UGT2B17: variants seen among roughly 807,000 people sequenced by gnomAD.
UGT2B17 encodes UDP glucuronosyltransferase family 2 member B17, also known as UDP-glucuronosyltransferase 2B17.
In UGT2B17, 21 loss-of-function variants were observed where a neutral mutation model predicts 48.2. That is an observed-to-expected ratio of 0.44 (90% confidence interval 0.31 to 0.63). The LOEUF is 0.63. UGT2B17 is among the 20% of genes least tolerant of loss of function. The pLI is 0.08. For synonymous variants in UGT2B17, 146 were observed against 238.4 expected, an observed-to-expected ratio of 0.61 and a Z score of 3.57; for missense variants, 402 against 696.1, an observed-to-expected ratio of 0.58 and a Z score of 4.75.
At chr4:68,551,310 T>C (rs1730910502) in intron 5 of UGT2B17, among the ~76,000 whole-genome samples, 1 of 125,752 alleles carries the variant, frequency 8.0e-6, no homozygotes, top group Non-Finnish European at 1.7e-5. Flanking sequence ...ATATTTAAAA[T>C]ACTTAAATTT....
Position 68,556,856 on chromosome 4 carries a change from A to T in UGT2B17, c.1005+3681T>A, listed in dbSNP as rs1731010748. On this transcript the variant is annotated intron_variant, in intron 4 of 6. Transcript: ENST00000317746. Reference sequence around the variant, plus strand: ...ATCCTTGAGTTACTACTTTAGTCAAATGAATGCTTTATTTTACCTGTGATA... The same window carrying T: ...ATCCTTGAGTTACTACTTTAGTCAATTGAATGCTTTATTTTACCTGTGATA... Among the ~76,000 whole-genome samples, 3 of 125,576 alleles carry T rather than the reference A, an allele frequency of 2.4e-5. 1 individual carries two copies. Among genetic ancestry groups the T allele is most frequent in the African/African-American group, 8.1e-5 (3 of 36,974 alleles). 82.4% of individuals were successfully genotyped at this position (125,576 alleles called of 152,430 possible).
intron 2 of UGT2B17, among the ~76,000 whole-genome samples, chr4:68,566,626 G>A (rs1447905109): frequency 8.6e-6 from 1 of 116,444 alleles, no homozygotes; most frequent in African/African-American, 3.1e-5. Context: ...CTTTCACCAT[G>A]ATTCTAAGTT....
chr4:68,553,539 GCT>G (rs1387391131), intron 4 of UGT2B17, among the ~76,000 whole-genome samples: 1 of 125,354 alleles, frequency 8.0e-6, no homozygotes, highest in Admixed American at 8.2e-5. Context: ...TAGGTCCAAA[GCT>G]CTGTTTTCCT....
intron 1 of UGT2B17, among the ~76,000 whole-genome samples, chr4:68,574,769 A>T (rs1731344162): frequency 7.9e-6 from 1 of 126,206 alleles, no homozygotes; most frequent in African/African-American, 2.7e-5. Context: ...ATTATGCAAC[A>T]TTTTTTGCAT....
At chr4:68,553,014 A>T (rs2109767192) in intron 4 of UGT2B17, among the ~76,000 whole-genome samples, 1 of 124,542 alleles carries the variant, frequency 8.0e-6, no homozygotes, top group South Asian at 3.8e-4. Flanking sequence ...TTAGCCTGAA[A>T]CCCATCCGTA....
At chr4:68,562,795 T>G (rs1338018461) in intron 3 of UGT2B17, among the ~76,000 whole-genome samples, 1 of 126,742 alleles carries the variant, frequency 7.9e-6, no homozygotes, top group Non-Finnish European at 1.7e-5. Flanking sequence ...TGTACATATG[T>G]GATGTTTATT....
intron 6 of UGT2B17, 74 bp downstream of exon 6, chr4:68,550,603 A>C (rs1730895936): frequency 1.8e-6 from 2 of 1,120,962 alleles, no homozygotes; most frequent in Non-Finnish European, 1.2e-6. Context: ...CTCTTAACAA[A>C]GGGTTCAAAC....
At chr4:68,556,135 A>G (rs1730996111) in intron 4 of UGT2B17, among the ~76,000 whole-genome samples, 1 of 124,514 alleles carries the variant, frequency 8.0e-6, no homozygotes, top group Non-Finnish European at 1.7e-5. Context: ...CAAGTTGTCT[A>G]TAATTAAAGG....
Position 68,568,214 on chromosome 4 carries a change from T to TA in UGT2B17, c.270dup (p.Met91TyrfsTer6), listed in dbSNP as rs529223604. 2.2e-6 allele frequency: 3 copies of TA among 1,372,200 alleles called. No homozygotes were observed. The highest frequency in any genetic ancestry group is 1.7e-5 in the South Asian group (1 of 60,196). 85.0% of individuals were successfully genotyped at this position (1,372,200 alleles called of 1,614,324 possible). A position where few individuals can be genotyped will look rare whatever the true frequency, so the allele number is the denominator to read the frequency against. The stretch of plus-strand genomic sequence containing the variant: ...TATGTCCATCTATCGAACATTTTCA[T>TA]AAAAAAATCTTCCAAATCATTTTTA... On this transcript the variant is annotated frameshift_variant, in exon 2 of 7. Coordinates refer to ENST00000317746, the MANE Select transcript of UGT2B17 (RefSeq NM_001077.4). LOFTEE classifies it high-confidence loss of function.
At chr4:68,544,454 T>C (rs1389579097) in intron 6 of UGT2B17, among the ~76,000 whole-genome samples, 1 of 124,764 alleles carries the variant, frequency 8.0e-6, no homozygotes, top group African/African-American at 2.7e-5. Context: ...GCACTAAACA[T>C]GGAAAGGAAC....
At position 68,561,872 on chromosome 4, in the gene UGT2B17, A is replaced by G. The variant is rs567307020; in HGVS notation, c.874-1204T>C. 8.9e-4 allele frequency among the ~76,000 whole-genome samples: 109 copies of G among 122,786 alleles called. 28 individuals carry two copies. The highest frequency in any genetic ancestry group is 1.5e-3 in the Non-Finnish European group (89 of 58,730). 80.6% of individuals were successfully genotyped at this position (122,786 alleles called of 152,430 possible). ...TTCCCGGATATCATATCAAAATTGT[A>G]TACTCATCTTTTTGTTGCTATTGTC... On this transcript the variant is annotated intron_variant, in intron 3 of 6. Coordinates refer to ENST00000317746, the MANE Select transcript of UGT2B17 (RefSeq NM_001077.4).
chr4:68,542,588 T>C (rs1730687876), intron 6 of UGT2B17, among the ~76,000 whole-genome samples: 1 of 126,070 alleles, frequency 7.9e-6, no homozygotes, highest in Admixed American at 8.1e-5. Flanking sequence ...TGTCAGACAG[T>C]GGGTGCAGGA....
At chr4:68,571,613 G>A (rs1239971052) in intron 1 of UGT2B17, among the ~76,000 whole-genome samples, 1 of 125,786 alleles carries the variant, frequency 8.0e-6, no homozygotes, top group African/African-American at 2.7e-5. Context: ...TCTAATAATT[G>A]AGACTTTTAG....
Position 68,537,819 on chromosome 4 carries a change from A to C in UGT2B17, c.1399T>G (p.Phe467Val), listed in dbSNP as rs756544697. 7.2e-7 allele frequency: 1 copy of C among 1,379,498 alleles called. No individual in the cohort carries two copies. The allele number at this position is 1,379,498 out of a possible 1,614,324, so 85.5% of individuals were successfully genotyped here. The part of the protein sequence containing the change: ...PLDRAVFWIE[F>V]VMRHKGAKHL... ...TTGGCTCCTTTATGGCGCATGACAA[A>C]CTCAATCCAGAAGACTGCTCGATCC... Residue 467 changes from phenylalanine (F) to valine (V), a missense_variant, in exon 7 of 7, where the codon TTT (phenylalanine) becomes GTT (valine). Physicochemically the swap from Phe to Val is conservative, Grantham distance 50. Coordinates refer to ENST00000317746, the MANE Select transcript of UGT2B17 (RefSeq NM_001077.4).
In UGT2B17 at chr4:68,572,109, G is replaced by A. The variant is rs572102457; in HGVS notation, c.-64-3561C>T. On this transcript the variant is annotated intron_variant, in intron 1 of 6. Transcript: ENST00000317746. ...CTTTTAAGTAGTCTGAATGACACGAGACCAGTATTGACACATCTCACATAA... is the reference window on the plus strand; with the variant it reads ...CTTTTAAGTAGTCTGAATGACACGAAACCAGTATTGACACATCTCACATAA... Among the ~76,000 whole-genome samples, 19 of 125,780 alleles carry A rather than the reference G, an allele frequency of 1.5e-4. 9 individuals are homozygous for A. The South Asian group carries it at 6.1e-3, about 41-fold the overall frequency. 82.5% of individuals were successfully genotyped at this position (125,780 alleles called of 152,430 possible).
chr4:68,542,055 G>C lies in UGT2B17; in HGVS notation c.1314-4151C>G, dbSNP rs1730669041. Among the ~76,000 whole-genome samples the C allele has an allele frequency of 2.4e-5, 3 of 124,732 alleles. 1 individual carries two copies. 81.8% of individuals were successfully genotyped at this position (124,732 alleles called of 152,430 possible). ...TGGTTTGGTTACTGTAAGGTGTAAG[G>C]AAGGGATCCAGTTGCAGTTTTCTCC... On this transcript the variant is annotated intron_variant, in intron 6 of 6. Transcript: ENST00000317746.
rs1184585808 is a variant in UGT2B17, at chr4:68,541,512, T to G, written c.1314-3608A>C. ...TGGTGGTGTTTTTTTTCTTGTAAAT[T>G]TGTTTAAGTTACTTGTAGATTCTGG... On this transcript the variant is annotated intron_variant, in intron 6 of 6. Coordinates refer to ENST00000317746, the MANE Select transcript of UGT2B17 (RefSeq NM_001077.4). 2.7e-4 allele frequency among the ~76,000 whole-genome samples: 34 copies of G among 126,488 alleles called. 8 individuals are homozygous for G. The highest frequency in any genetic ancestry group is 9.2e-4 in the African/African-American group (34 of 37,080). 83.0% of individuals were successfully genotyped at this position (126,488 alleles called of 152,430 possible).
chr4:68,557,990 T>TA (rs1731032629), intron 4 of UGT2B17, among the ~76,000 whole-genome samples: 1 of 125,378 alleles, frequency 8.0e-6, no homozygotes, highest in Non-Finnish European at 1.7e-5. Flanking sequence ...AACTCATAGG[T>TA]ATTTGATGGT....
intron 3 of UGT2B17, among the ~76,000 whole-genome samples, chr4:68,565,201 G>C (rs1275432009): frequency 7.9e-6 from 1 of 125,820 alleles, no homozygotes; most frequent in Non-Finnish European, 1.7e-5. Flanking sequence ...AAAGTACAAT[G>C]TTAGGCATGA....
Sources: allele counts gnomAD v4.1 joint callset (sites outside exome capture counted in the v4.1 genomes callset), GRCh38; gene constraint gnomAD v4.1.1; transcripts MANE v1.5; gene names NCBI Gene and HGNC (gene_info 2026-07-23, HGNC 2026-07-21).